The following IL17RD variants were observed in gnomAD, a reference collection of about 807,000 sequenced individuals.
IL17RD encodes interleukin-17 receptor D.
Under a neutral mutation model 80.5 loss-of-function variants are expected in IL17RD, and 52 were observed. The observed-to-expected ratio is 0.65, with a 90% confidence interval of 0.52 to 0.81. The LOEUF (loss-of-function observed/expected upper bound fraction) is 0.81. Ranked by LOEUF, IL17RD falls within the 40% of genes least tolerant of loss-of-function variation. The pLI is 0.00. For missense variants in IL17RD, 1,024 were observed against 955.1 expected (o/e 1.07, Z -0.95); for synonymous variants, 416 against 391.8 (o/e 1.06, Z -0.73).
At chr3:57,139,728 G>C (rs2107525022) in intron 1 of IL17RD, among the ~76,000 whole-genome samples, 1 of 152,158 alleles carries the variant, frequency 6.6e-6, no homozygotes, top group East Asian at 1.9e-4. Flanking sequence ...GGCCAGGCTG[G>C]CCTTGAACTC....
chr3:57,163,102 G>C (rs890119753), intron 1 of IL17RD, among the ~76,000 whole-genome samples: 5 of 152,174 alleles, frequency 3.3e-5, no homozygotes, highest in Non-Finnish European at 7.3e-5. Context: ...AAAGCATGTG[G>C]GGAAACTGGG....
chr3:57,165,811 T>A (rs982056511), upstream of IL17RD, among the ~76,000 whole-genome samples: 1 of 152,124 alleles, frequency 6.6e-6, no homozygotes, highest in African/African-American at 2.4e-5. Flanking sequence ...GCTCCACATT[T>A]ACTAGTAGGA....
intron 1 of IL17RD, among the ~76,000 whole-genome samples, chr3:57,157,682 A>G (rs1327345152): frequency 2.0e-5 from 3 of 152,198 alleles, no homozygotes; most frequent in Non-Finnish European, 4.4e-5. Flanking sequence ...ACTGCACTGC[A>G]TTTTCCTCAG....
intron 3 of IL17RD, among the ~76,000 whole-genome samples, chr3:57,112,569 G>A (rs575664225): frequency 6.6e-6 from 1 of 152,274 alleles, no homozygotes; most frequent in South Asian, 2.1e-4. Context: ...TCTAACAAGG[G>A]GGCCTGCAAT....
chr3:57,105,552 A>AAAAAAAAAAAAAAAAAAAT lies in IL17RD; in HGVS notation c.747+304_747+305insATTTTTTTTTTTTTTTTTT. Among the ~76,000 whole-genome samples the AAAAAAAAAAAAAAAAAAAT allele has an allele frequency of 8.7e-4, 55 of 63,580 alleles. 5 individuals carry two copies. Among genetic ancestry groups the AAAAAAAAAAAAAAAAAAAT allele is most frequent in the Non-Finnish European group, 1.1e-3 (41 of 35,920 alleles). 41.7% of individuals were successfully genotyped at this position (63,580 alleles called of 152,430 possible). ...ACTCCATCTCAAAAAAAAAAAAAAA[A>AAAAAAAAAAAAAAAAAAAT]ATATATATATATATATATTTGTTCA... On this transcript the variant is annotated intron_variant, in intron 7 of 12. Transcript: ENST00000296318.
intron 7 of IL17RD, among the ~76,000 whole-genome samples, chr3:57,105,552 A>AATATATATATATAT (rs1553623051): frequency 9.4e-5 from 6 of 63,586 alleles, no homozygotes; most frequent in African/African-American, 4.7e-4. Flanking sequence ...AAAAAAAAAA[A>AATATATATATATAT]ATATATATAT....
intron 1 of IL17RD, among the ~76,000 whole-genome samples, chr3:57,124,219 C>G (rs530770559): frequency 5.1e-4 from 78 of 152,262 alleles, no homozygotes; most frequent in African/African-American, 1.7e-3. Flanking sequence ...CAGGCTAGCC[C>G]ATGGTGCACT....
chr3:57,118,022 C>T (rs746888155), intron 2 of IL17RD, among the ~76,000 whole-genome samples: 16 of 152,072 alleles, frequency 1.1e-4, no homozygotes, highest in Non-Finnish European at 2.1e-4. Context: ...ACGGAGAGAT[C>T]CTCCTTCACA....
At chr3:57,164,297 C>G (rs1214516405) in intron 1 of IL17RD, among the ~76,000 whole-genome samples, 1 of 152,244 alleles carries the variant, frequency 6.6e-6, no homozygotes, top group East Asian at 1.9e-4. Context: ...GTTCTGGGGC[C>G]GCCCAAGGCC....
intron 11 of IL17RD, among the ~76,000 whole-genome samples, chr3:57,099,027 A>G (rs992958737): frequency 6.6e-5 from 10 of 152,174 alleles, no homozygotes; most frequent in African/African-American, 2.4e-4. Flanking sequence ...GAGCTGGGAG[A>G]TGGGGCTCAG....
chr3:57,143,875 C>T (rs952338949), intron 1 of IL17RD, among the ~76,000 whole-genome samples: 1 of 152,148 alleles, frequency 6.6e-6, no homozygotes, highest in Non-Finnish European at 1.5e-5. Context: ...TAGAACACAG[C>T]GTTACAACTC....
In IL17RD at chr3:57,105,871, T is replaced by C. The variant is rs752143981; in HGVS notation, c.733A>G (p.Lys245Glu). The C allele has an allele frequency of 2.5e-6, 4 of 1,613,820 alleles. No individual in the cohort carries two copies. The highest frequency in any genetic ancestry group is 3.4e-6 in the Non-Finnish European group (4 of 1,179,840). ...CAGCAGCTCACCTGCTTACAGGTCTTTCGCTTGAAAGGTCCTTCGTGCTTG... is the reference window on the plus strand; with the variant it reads ...CAGCAGCTCACCTGCTTACAGGTCTCTCGCTTGAAAGGTCCTTCGTGCTTG... ...KLKHEGPFKR[K>E]TCKQEQTTET... The change falls in exon 7 of 13, where the codon AAG becomes GAG. Residue 245 changes from lysine (K) to glutamate (E), a missense_variant. Transcript: ENST00000296318.
At position 57,094,361 on chromosome 3, in the gene IL17RD, C is replaced by T. The variant is rs1706623139; in HGVS notation, c.*2032G>A. On this transcript the variant is annotated 3_prime_UTR_variant, in exon 13 of 13. Transcript: ENST00000296318. ...AGTATTTCAACATAAGTATCAAAAC[C>T]CTAAATCCAAACTAAAACATCCCGA... 6.6e-6 allele frequency: 1 copy of T among 152,056 alleles called. No homozygotes were observed. The highest frequency in any genetic ancestry group is 6.5e-5 in the Admixed American group (1 of 15,270). 9.4% of individuals were successfully genotyped at this position (152,056 alleles called of 1,614,324 possible).
At chr3:57,165,535 A>G (rs879426984), upstream of IL17RD, among the ~76,000 whole-genome samples, 1 of 50,978 alleles carries the variant, frequency 2.0e-5, no homozygotes, top group East Asian at 6.9e-4. Context: ...CCAAGCCCCC[A>G]CTGAGACTCT....
intron 1 of IL17RD, among the ~76,000 whole-genome samples, chr3:57,141,306 G>A (rs1298660578): frequency 5.9e-5 from 9 of 152,060 alleles, no homozygotes; most frequent in Non-Finnish European, 1.2e-4. Context: ...TATAACCACC[G>A]GTCTGAACAG....
At chr3:57,151,732 C>A (rs924198737) in intron 1 of IL17RD, among the ~76,000 whole-genome samples, 2 of 152,142 alleles carry the variant, frequency 1.3e-5, no homozygotes, top group Non-Finnish European at 2.9e-5. Context: ...CCATTGACTG[C>A]CAGGAGCAGC....
Position 57,101,170 on chromosome 3 carries a change from A to T in IL17RD, c.1164+9T>A, listed in dbSNP as rs1393657336. On this transcript the variant is annotated intron_variant, in intron 11 of 12. Coordinates refer to ENST00000296318, the MANE Select transcript of IL17RD (RefSeq NM_017563.5). ...GCCAGGGTAGGAGAAGGAACTTTAG[A>T]TTCCGCACCTCACAGCCACAGAAGT... 1 of 1,612,318 alleles carries T rather than the reference A, an allele frequency of 6.2e-7. No individual in the cohort carries two copies. Among genetic ancestry groups the T allele is most frequent in the Non-Finnish European group, 8.5e-7 (1 of 1,178,828 alleles).
rs187915651 is a variant in IL17RD, at chr3:57,158,591, T to C, written c.126+6570A>G. Among the ~76,000 whole-genome samples the C allele has an allele frequency of 2.6e-5, 4 of 152,286 alleles. No homozygotes were observed. In the South Asian group the frequency reaches 8.3e-4, roughly 32 times the overall value. On this transcript the variant is annotated intron_variant, in intron 1 of 12. Transcript: ENST00000296318. ...AATGTTGTAGCCTTAATTAGCTACATCCACCTTCCCCCAACATTTCCAAAC... is the reference window on the plus strand; with the variant it reads ...AATGTTGTAGCCTTAATTAGCTACACCCACCTTCCCCCAACATTTCCAAAC...
Position 57,110,265 on chromosome 3 carries a change from C to T in IL17RD, c.357G>A (p.Lys119=), listed in dbSNP as rs749107593. 3 of 1,609,586 alleles carry T rather than the reference C, an allele frequency of 1.9e-6. No individual in the cohort carries two copies. Among genetic ancestry groups the T allele is most frequent in the East Asian group, 4.5e-5 (2 of 44,832 alleles). ...KGFRVILEEL[K]SEGRQCQQLI... ...GTTGTTGGCACTGTCTTCCCTCCGA[C>T]TTCAGCTCCTCCAGTATTACCCGAA... Residue 119 remains lysine, a synonymous_variant, in exon 4 of 13, where the codon AAG becomes AAA. Transcript: ENST00000296318.
Sources: allele counts gnomAD v4.1 joint callset (sites outside exome capture counted in the v4.1 genomes callset), GRCh38; gene constraint gnomAD v4.1.1; transcripts MANE v1.5; gene names NCBI Gene and HGNC (gene_info 2026-07-23, HGNC 2026-07-21).